Variants in ACOXL observed in about 807,000 individuals in gnomAD.
ACOXL encodes acyl-coenzyme A oxidase-like protein.
A neutral mutation model predicts 71.9 loss-of-function variants in ACOXL; 70 were observed. The observed-to-expected ratio is 0.97, with a 90% CI of 0.80 to 1.19. ACOXL has a LOEUF of 1.19. ACOXL is among the 50% of genes most tolerant of loss of function. ACOXL has a pLI of 0.00. For missense variants in ACOXL, 703 were observed against 736.3 expected (o/e 0.95, Z 0.52); for synonymous variants, 253 against 281.6 (o/e 0.90, Z 1.02).
At chr2:111,072,650 T>C (rs1406921158) in intron 16 of ACOXL, among the ~76,000 whole-genome samples, 4 of 152,248 alleles carry the variant, frequency 2.6e-5, no homozygotes, top group African/African-American at 7.2e-5. Flanking sequence ...TGGGGCCAGA[T>C]ACTTTGTTGT....
At chr2:110,844,849 C>T (rs568626074) in intron 10 of ACOXL, among the ~76,000 whole-genome samples, 9 of 152,116 alleles carry the variant, frequency 5.9e-5, no homozygotes, top group Admixed American at 3.9e-4. Flanking sequence ...GCCCGGCCAC[C>T]GTGACTCTTC....
In ACOXL at chr2:111,009,909, T is replaced by G. The variant is rs182623767; in HGVS notation, c.1281+13905T>G. ...AAAAGAGGCTAAAGGCAAGCCAAAA[T>G]ATATTCTTCCTGACAAAGCATAAAA... On this transcript the variant is annotated intron_variant, in intron 14 of 17. Coordinates refer to ENST00000439055, the MANE Select transcript of ACOXL (RefSeq NM_001142807.4). 2.3e-3 allele frequency among the ~76,000 whole-genome samples: 351 copies of G among 152,300 alleles called. 2 individuals are homozygous for G. Among genetic ancestry groups the G allele is most frequent in the Non-Finnish European group, 1.9e-3 (129 of 68,022 alleles).
intron 17 of ACOXL, among the ~76,000 whole-genome samples, chr2:111,109,119 T>G (rs950168519): frequency 3.0e-4 from 45 of 152,326 alleles, no homozygotes; most frequent in Middle Eastern, 3.4e-3. Flanking sequence ...GGTATTAAGG[T>G]GCAGTGTTAC....
At chr2:110,934,483 A>T (rs1023756847) in intron 12 of ACOXL, among the ~76,000 whole-genome samples, 3 of 152,230 alleles carry the variant, frequency 2.0e-5, no homozygotes, top group Admixed American at 1.3e-4. Flanking sequence ...ATATTTGCTT[A>T]TAAACAGCAC....
chr2:110,759,099 G>A (rs184532397), intron 1 of ACOXL, among the ~76,000 whole-genome samples: 3 of 152,270 alleles, frequency 2.0e-5, no homozygotes, highest in East Asian at 1.9e-4. Flanking sequence ...TTCCAATTGT[G>A]TGATCAGTTT....
In ACOXL at chr2:111,044,552, C is replaced by G. The variant is rs564203467; in HGVS notation, c.1370-4666C>G. On this transcript the variant is annotated intron_variant, in intron 15 of 17. Transcript: ENST00000439055. ...ACGGGATTTCTGAGCACTGAAGCCC[C>G]AGGTGCAGGTTATAGGTCAGGGTCA... Among the ~76,000 whole-genome samples the G allele has an allele frequency of 8.5e-5, 13 of 152,348 alleles. No homozygotes were observed. The South Asian group carries it at 2.7e-3, about 32-fold the overall frequency.
intron 1 of ACOXL, among the ~76,000 whole-genome samples, chr2:110,742,330 C>T (rs980659116): frequency 6.6e-6 from 1 of 152,204 alleles, no homozygotes; most frequent in Non-Finnish European, 1.5e-5. Flanking sequence ...TTGTCAACCT[C>T]TTAGATCACT....
chr2:110,778,283 T>C (rs1682901910), intron 2 of ACOXL, among the ~76,000 whole-genome samples: 1 of 152,086 alleles, frequency 6.6e-6, no homozygotes, highest in Non-Finnish European at 1.5e-5. Context: ...CTGGGAAAAA[T>C]GCTGACAAAT....
intron 8 of ACOXL, among the ~76,000 whole-genome samples, chr2:110,804,167 A>G (rs989394606): frequency 1.3e-5 from 2 of 151,848 alleles, no homozygotes; most frequent in Non-Finnish European, 2.9e-5. Context: ...TTGTGTTTTT[A>G]GTAGAGATGG....
intron 16 of ACOXL, 56 bp from the exon 17 acceptor site, chr2:111,092,809 G>A: frequency 4.9e-6 from 6 of 1,223,912 alleles, no homozygotes; most frequent in Non-Finnish European, 7.2e-6. Context: ...CTTAGATTTT[G>A]TGTTTTCTAA....
At chr2:111,093,946 C>G (rs1199117353) in intron 17 of ACOXL, 1 of 155,678 alleles carries the variant, frequency 6.4e-6, no homozygotes, top group South Asian at 2.0e-4. Flanking sequence ...TTCGAATGAA[C>G]TTGGCCATAA....
At chr2:110,883,836 C>T (rs111788289) in intron 10 of ACOXL, among the ~76,000 whole-genome samples, 14 of 152,286 alleles carry the variant, frequency 9.2e-5, no homozygotes, top group African/African-American at 3.4e-4. Flanking sequence ...TAAAGACATA[C>T]TCCATCCTTT....
At chr2:111,035,082 G>C (rs1486629155) in intron 15 of ACOXL, among the ~76,000 whole-genome samples, 1 of 152,042 alleles carries the variant, frequency 6.6e-6, no homozygotes, top group African/African-American at 2.4e-5. Flanking sequence ...TTGCCAGGGT[G>C]GTCTCAATCT....
intron 1 of ACOXL, among the ~76,000 whole-genome samples, chr2:110,758,210 A>G (rs1679945689): frequency 6.6e-6 from 1 of 151,974 alleles, no homozygotes; most frequent in Admixed American, 6.6e-5. Context: ...GTAGGTGTGC[A>G]GTTTTATTTC....
intron 14 of ACOXL, among the ~76,000 whole-genome samples, chr2:110,996,457 C>G (rs2063400563): frequency 6.6e-6 from 1 of 152,180 alleles, no homozygotes; most frequent in Non-Finnish European, 1.5e-5. Flanking sequence ...CTTGTGTCAG[C>G]ATTGATAGAA....
At chr2:110,736,710 C>A (rs143735868) in intron 1 of ACOXL, among the ~76,000 whole-genome samples, 2 of 151,992 alleles carry the variant, frequency 1.3e-5, no homozygotes, top group Admixed American at 1.3e-4. Context: ...AGCCCCGCCT[C>A]CCGGGCTCAC....
chr2:111,097,737 A>G (rs1044154361), intron 17 of ACOXL, among the ~76,000 whole-genome samples: 3 of 152,262 alleles, frequency 2.0e-5, no homozygotes, highest in Admixed American at 1.3e-4. Flanking sequence ...TGAGCAACAA[A>G]AATAATGTAA....
intron 9 of ACOXL, among the ~76,000 whole-genome samples, chr2:110,823,618 G>A (rs1347466730): frequency 6.6e-6 from 1 of 152,136 alleles, no homozygotes; most frequent in African/African-American, 2.4e-5. Context: ...CTGGGTCCTT[G>A]CCAGTAATGG....
intron 12 of ACOXL, among the ~76,000 whole-genome samples, chr2:110,944,378 A>G (rs1393556447): frequency 6.6e-6 from 1 of 151,814 alleles, no homozygotes; most frequent in Non-Finnish European, 1.5e-5. Flanking sequence ...TTCTAGGTTC[A>G]GGGTTACATT....
Sources: allele counts gnomAD v4.1 joint callset (sites outside exome capture counted in the v4.1 genomes callset), GRCh38; gene constraint gnomAD v4.1.1; transcripts MANE v1.5; gene names NCBI Gene and HGNC (gene_info 2026-07-23, HGNC 2026-07-21).